Variants in ZGRF1 observed in about 807,000 individuals in gnomAD.
ZGRF1 encodes 5'-3' DNA helicase ZGRF1.
Under a neutral mutation model 203.5 loss-of-function variants are expected in ZGRF1, and 196 were observed. That is an observed-to-expected ratio of 0.96 (90% CI 0.86 to 1.08). ZGRF1 has a LOEUF of 1.08. ZGRF1 is among the 50% of genes least tolerant of loss of function. The pLI, the probability that ZGRF1 is intolerant of heterozygous loss-of-function variation, is 0.00. For missense variants in ZGRF1, 2,326 were observed against 2,416.3 expected, an observed-to-expected ratio of 0.96 and a Z score of 0.78; for synonymous variants, 809 against 841.3, an observed-to-expected ratio of 0.96 and a Z score of 0.66.
intron 4 of ZGRF1, among the ~76,000 whole-genome samples, chr4:112,621,980 G>A (rs1052128005): frequency 8.6e-5 from 13 of 151,026 alleles, no homozygotes; most frequent in Middle Eastern, 3.4e-3. Flanking sequence ...CGCCTGCCTC[G>A]GCCTCCCAAA....
chr4:112,547,171 T>C (rs760427126), intron 24 of ZGRF1, 114 bp downstream of exon 24: 30 of 1,062,904 alleles, frequency 2.8e-5, no homozygotes, highest in African/African-American at 4.8e-5. Flanking sequence ...ACTCCAATTA[T>C]ACATTATTTT....
rs185768296 is a variant in ZGRF1 at position 112,623,324 on chromosome 4, A to T, written c.162+493T>A. ...ATAGTGCTACAATGAACATACACATACATGTGTCTTTATGGTAGAACAACT... is the reference window on the plus strand; with the variant it reads ...ATAGTGCTACAATGAACATACACATTCATGTGTCTTTATGGTAGAACAACT... On this transcript the variant is annotated intron_variant, in intron 4 of 27. Transcript: ENST00000505019. Among the ~76,000 whole-genome samples the T allele has an allele frequency of 1.2e-3, 177 of 152,314 alleles. 1 individual carries two copies. Among genetic ancestry groups the T allele is most frequent in the African/African-American group, 4.0e-3 (168 of 41,560 alleles).
At chr4:112,621,780 T>G (rs2047069340) in intron 4 of ZGRF1, among the ~76,000 whole-genome samples, 2 of 151,252 alleles carry the variant, frequency 1.3e-5, no homozygotes. Context: ...CAGTCTGGAG[T>G]GCAACAGCGC....
chr4:112,612,434 C>A, intron 7 of ZGRF1, 90 bp downstream of exon 7: 1 of 819,606 alleles, frequency 1.2e-6, no homozygotes, highest in South Asian at 1.7e-5. Context: ...ACCAAGATAG[C>A]TTGGGACTGT....
chr4:112,556,341 TGTATG>T (rs1740940957), intron 20 of ZGRF1, among the ~76,000 whole-genome samples: 1 of 152,190 alleles, frequency 6.6e-6, no homozygotes, highest in Non-Finnish European at 1.5e-5. Flanking sequence ...AATTGCTTAA[TGTATG>T]GTATAAGAAA....
chr4:112,611,398 A>G (rs2046671112), intron 7 of ZGRF1, among the ~76,000 whole-genome samples: 1 of 152,110 alleles, frequency 6.6e-6, no homozygotes, highest in Non-Finnish European at 1.5e-5. Flanking sequence ...GAGAGACTCC[A>G]TCTCAAAATA....
chr4:112,547,715 CTTAAAA>C (rs1319674153), intron 23 of ZGRF1, among the ~76,000 whole-genome samples: 1 of 152,158 alleles, frequency 6.6e-6, no homozygotes, highest in Non-Finnish European at 1.5e-5. Flanking sequence ...TCCATAAACT[CTTAAAA>C]TTAAAGTCTT....
intron 23 of ZGRF1, among the ~76,000 whole-genome samples, chr4:112,548,039 TCAAA>T (rs1739149100): frequency 6.6e-6 from 1 of 152,116 alleles, no homozygotes; most frequent in Non-Finnish European, 1.5e-5. Context: ...CCTCCTGGGC[TCAAA>T]CAATCCTCCC....
intron 10 of ZGRF1, among the ~76,000 whole-genome samples, chr4:112,600,557 G>C (rs952657962): frequency 1.3e-5 from 2 of 152,004 alleles, no homozygotes; most frequent in Non-Finnish European, 2.9e-5. Flanking sequence ...CTGGCGTGGT[G>C]GTGGGCACCT....
chr4:112,546,393 T>C (rs968402813), intron 24 of ZGRF1, among the ~76,000 whole-genome samples: 1 of 152,210 alleles, frequency 6.6e-6, no homozygotes, highest in African/African-American at 2.4e-5. Context: ...CACTTTAAAA[T>C]AGTTTCTGCT....
chr4:112,587,939 A>C lies in ZGRF1; in HGVS notation c.3128-10T>G. The stretch of plus-strand genomic sequence containing the variant: ...CGGGATTTTTTCATCCCTGAAAGAA[A>C]ACAGAATGCTGATTAAATAAAAATG... On this transcript the variant is annotated splice_polypyrimidine_tract_variant and intron_variant, in intron 11 of 27. Coordinates refer to ENST00000505019, the MANE Select transcript of ZGRF1 (RefSeq NM_018392.5). 10 of 1,507,210 alleles carry C rather than the reference A, an allele frequency of 6.6e-6. No homozygotes were observed. Among genetic ancestry groups the C allele is most frequent in the Non-Finnish European group, 8.9e-6 (10 of 1,128,996 alleles). The allele number at this position is 1,507,210 out of a possible 1,614,324, so 93.4% of individuals were successfully genotyped here.
At chr4:112,627,422 C>T (rs939392929) in intron 3 of ZGRF1, among the ~76,000 whole-genome samples, 6 of 152,156 alleles carry the variant, frequency 3.9e-5, no homozygotes, top group African/African-American at 1.4e-4. Context: ...ACAACTTTTA[C>T]ACTGCTGCCA....
At chr4:112,547,437 A>C (rs561692856) in intron 23 of ZGRF1, 29 bp from the exon 24 acceptor site, 1 of 1,585,754 alleles carries the variant, frequency 6.3e-7, no homozygotes. Context: ...AATTAATCTA[A>C]GCAATTAAAA....
At chr4:112,575,534 A>C (rs2148963022) in intron 16 of ZGRF1, among the ~76,000 whole-genome samples, 1 of 152,342 alleles carries the variant, frequency 6.6e-6, no homozygotes, top group African/African-American at 2.4e-5. Context: ...TAGTCAAAGA[A>C]AGGTGTGACA....
At chr4:112,611,532 C>A (rs1204181503) in intron 7 of ZGRF1, among the ~76,000 whole-genome samples, 4 of 152,228 alleles carry the variant, frequency 2.6e-5, no homozygotes, top group Non-Finnish European at 4.4e-5. Context: ...CTAACAGCAT[C>A]CCCATTGAGT....
At chr4:112,633,121 A>C in intron 2 of ZGRF1, 35 bp downstream of exon 2, 1 of 1,581,284 alleles carries the variant, frequency 6.3e-7, no homozygotes, top group Non-Finnish European at 8.7e-7. Flanking sequence ...AGAGGAAGGG[A>C]ATTTCACCAA....
Position 112,603,533 on chromosome 4 carries a change from G to A in ZGRF1, c.2967C>T (p.Asp989=). ...PELPSTCMQI[D]FLQVTSPEEN... ...ATAAAAATATTTTTACCTGCAAGAA[G>A]TCAATCTGCATACACGTGCTAGGTA... Residue 989 remains aspartate, a synonymous_variant, in exon 10 of 28, where the codon GAC becomes GAT. Coordinates refer to ENST00000505019, the MANE Select transcript of ZGRF1 (RefSeq NM_018392.5). 1 of 1,600,154 alleles carries A rather than the reference G, an allele frequency of 6.2e-7. No individual in the cohort carries two copies. The highest frequency in any genetic ancestry group is 1.3e-5 in the African/African-American group (1 of 74,676).
chr4:112,558,206 C>A lies in ZGRF1; in HGVS notation c.5064G>T (p.Pro1688=), dbSNP rs749205371. 2.4e-5 allele frequency: 39 copies of A among 1,608,504 alleles called. No homozygotes were observed. Among genetic ancestry groups the A allele is most frequent in the Non-Finnish European group, 2.9e-5 (34 of 1,178,018 alleles). The part of the protein sequence containing the change: ...SEAPTIGNAR[P]WKLLISSSTN... ...TAGAAGAAGAAATCAGAAGTTTCCA[C>A]GGCCTTGCATTTCCAATGGTGGGAG... is the stretch of plus-strand genomic sequence containing the variant. Residue 1688 remains proline (P), a synonymous_variant, in exon 20 of 28, where the codon CCG becomes CCT. Coordinates refer to ENST00000505019, the MANE Select transcript of ZGRF1 (RefSeq NM_018392.5).
At chr4:112,597,364 GT>G (rs1388973276) in intron 10 of ZGRF1, among the ~76,000 whole-genome samples, 1 of 148,304 alleles carries the variant, frequency 6.7e-6, no homozygotes, top group Non-Finnish European at 1.5e-5. Context: ...TCTAGAAAAA[GT>G]TTTTAAAAAT....
Sources: allele counts gnomAD v4.1 joint callset (sites outside exome capture counted in the v4.1 genomes callset), GRCh38; gene constraint gnomAD v4.1.1; transcripts MANE v1.5; gene names NCBI Gene and HGNC (gene_info 2026-07-23, HGNC 2026-07-21).